Variants in LIG3 observed in about 807,000 individuals in gnomAD.
LIG3 encodes the protein ligase II, DNA, ATP-dependent.
In LIG3, 58 loss-of-function variants were observed where a neutral mutation model predicts 110.9. The observed-to-expected ratio is 0.52, with a 90% CI of 0.42 to 0.65. The LOEUF (loss-of-function observed/expected upper bound fraction) is 0.65. Among genes scored for constraint, LIG3 ranks in the 30% least tolerant of loss-of-function variants. The probability of loss-of-function intolerance (pLI) is 0.00; values close to 1 mark genes in which losing one functional copy is unlikely to be tolerated. For missense variants in LIG3, 1,094 were observed against 1,273.8 expected (o/e 0.86, Z 2.15); for synonymous variants, 422 against 472.8 (o/e 0.89, Z 1.39).
chr17:34,992,052 C>T lies in LIG3; in HGVS notation c.1286+17C>T. On this transcript the variant is annotated intron_variant, in intron 7 of 19. Transcript: ENST00000378526. ...AAAACATGTGTAAGTAGCAGCTCCG[C>T]TGACAGCCTGAGCTGTCATTTGTTA... 2 of 1,605,836 alleles carry T rather than the reference C, an allele frequency of 1.2e-6. No homozygotes were observed. The highest frequency in any genetic ancestry group is 1.7e-6 in the Non-Finnish European group (2 of 1,172,456).
intron 5 of LIG3, chr17:34,991,405 CTCT>C (rs1443614696): frequency 8.8e-6 from 5 of 568,106 alleles, no homozygotes; most frequent in Non-Finnish European, 1.5e-5. Flanking sequence ...TTATTCTGGA[CTCT>C]TTTTTTCTTG....
At position 35,001,375 on chromosome 17, in the gene LIG3, A is replaced by G. The variant is rs765759442; in HGVS notation, c.2450A>G (p.Lys817Arg). The G allele has an allele frequency of 4.6e-5, 75 of 1,614,074 alleles. No individual in the cohort carries two copies. Among genetic ancestry groups the G allele is most frequent in the Non-Finnish European group, 6.4e-5 (75 of 1,180,024 alleles). ...CGAATCCGAGATGATAAGGACTGGA[A>G]ATCTGCCACTAACCTTCCCCAACTC... ...CTRIRDDKDW[K>R]SATNLPQLKE... Residue 817 changes from lysine (K) to arginine (R), a missense_variant, in exon 17 of 20, where the codon AAA (lysine) becomes AGA (arginine). Transcript: ENST00000378526.
Position 34,998,213 on chromosome 17 carries a change from C to G in LIG3, c.1912-6C>G, listed in dbSNP as rs774884566. 1 of 1,609,946 alleles carries G rather than the reference C, an allele frequency of 6.2e-7. No homozygotes were observed. The highest frequency in any genetic ancestry group is 8.5e-7 in the Non-Finnish European group (1 of 1,177,856). On this transcript the variant is annotated splice_polypyrimidine_tract_variant and splice_region_variant and intron_variant, in intron 12 of 19. Transcript: ENST00000378526. ...CACCAACTTCAGCATCTCTCTTGTCCCTCAGAAAGCTTTGGACTTGGCTGA... is the reference window on the plus strand; with the variant it reads ...CACCAACTTCAGCATCTCTCTTGTCGCTCAGAAAGCTTTGGACTTGGCTGA...
At position 34,996,194 on chromosome 17, in the gene LIG3, A is replaced by G. The variant is rs2090775535; in HGVS notation, c.1742A>G (p.Lys581Arg). ...CCCTTTGGGACTCTGGGAGTACACA[A>G]GGTACTAGCTCAGGGCCATATGTGC... Reference protein sequence around the residue: ...PLPFGTLGVHKKAAFQDANVC... With the variant: ...PLPFGTLGVHRKAAFQDANVC... Residue 581 changes from lysine (K) to arginine (R), a missense_variant and splice_region_variant, in exon 10 of 20, where the codon AAG becomes AGG. Transcript: ENST00000378526. 6.2e-6 allele frequency: 10 copies of G among 1,614,080 alleles called. No homozygotes were observed. Among genetic ancestry groups the G allele is most frequent in the Non-Finnish European group, 8.5e-6 (10 of 1,179,990 alleles).
Position 34,989,547 on chromosome 17 carries a change from ATAAGGACTGTC to A in LIG3, c.775_785del (p.Lys259AlafsTer14). On this transcript the variant is annotated frameshift_variant, in exon 4 of 20. Transcript: ENST00000378526. LOFTEE classifies it high-confidence loss of function. ...TCTTCAAGCAAATGTGACCCCAGGC[ATAAGGACTGTC>A]TGCTACGGGAGTTTCGAAAGTTATG... 6.2e-7 allele frequency: 1 copy of A among 1,614,108 alleles called. No homozygotes were observed. Among genetic ancestry groups the A allele is most frequent in the Non-Finnish European group, 8.5e-7 (1 of 1,180,026 alleles).
intron 8 of LIG3, among the ~76,000 whole-genome samples, chr17:34,993,593 G>T (rs1193414537): frequency 6.6e-6 from 1 of 152,196 alleles, no homozygotes; most frequent in Non-Finnish European, 1.5e-5. Flanking sequence ...TTATAGGTGG[G>T]CCTAGATTCA....
intron 18 of LIG3, 57 bp from the exon 19 acceptor site, chr17:35,002,611 G>C: frequency 6.4e-7 from 1 of 1,566,680 alleles, no homozygotes; most frequent in South Asian, 1.2e-5. Context: ...TGATCCTCCC[G>C]AGTAGCTGGG....
intron 2 of LIG3, 55 bp from the exon 3 acceptor site, chr17:34,985,933 T>G: frequency 6.3e-7 from 1 of 1,579,928 alleles, no homozygotes. Context: ...CTTTGGATGT[T>G]TTTTTCAGAG....
At chr17:34,992,064 G>A (rs764498953) in intron 7 of LIG3, 29 bp downstream of exon 7, 1 of 1,597,076 alleles carries the variant, frequency 6.3e-7, no homozygotes, top group Non-Finnish European at 8.6e-7. Context: ...GACAGCCTGA[G>A]CTGTCATTTG....
rs148686749 is a variant in LIG3 at position 34,985,425 on chromosome 17, A to G, written c.548-563A>G. Among the ~76,000 whole-genome samples, 6 of 152,304 alleles carry G rather than the reference A, an allele frequency of 3.9e-5. No individual in the cohort carries two copies. In the East Asian group the frequency reaches 1.2e-3, roughly 29 times the overall value. Reference sequence around the variant, plus strand: ...CATATACTTTATTCTCAGGCTCCCCATCCCACCTTGCACTGCCTTAGCTAT... The same window carrying G: ...CATATACTTTATTCTCAGGCTCCCCGTCCCACCTTGCACTGCCTTAGCTAT... On this transcript the variant is annotated intron_variant, in intron 2 of 19. Coordinates refer to ENST00000378526, the MANE Select transcript of LIG3 (RefSeq NM_013975.4).
rs565980215 is a variant in LIG3 at position 35,001,457 on chromosome 17, A to T, written c.2478+54A>T. ...CTCCACCCCACTGTCCAGGCCTTGG[A>T]GCCTTGGGCATCTAGACCATTCACA... is the stretch of plus-strand genomic sequence containing the variant. On this transcript the variant is annotated intron_variant, in intron 17 of 19. Transcript: ENST00000378526. 18 of 1,559,376 alleles carry T rather than the reference A, an allele frequency of 1.2e-5. No individual in the cohort carries two copies. The South Asian group carries it at 2.0e-4, about 18-fold the overall frequency.
intron 1 of LIG3, 39 bp from the exon 2 acceptor site, chr17:34,982,963 C>T (rs192480635): frequency 8.0e-6 from 10 of 1,243,542 alleles, no homozygotes; most frequent in African/African-American, 3.1e-5. Context: ...TTGTTTATAT[C>T]TTTTTTTTTT....
rs942129180 is a variant in LIG3 at position 35,007,222 on chromosome 17, C to G, written c.*2716C>G. On this transcript the variant is annotated 3_prime_UTR_variant, in exon 20 of 20. Coordinates refer to ENST00000378526, the MANE Select transcript of LIG3 (RefSeq NM_013975.4). ...CAGAGTGCACACTCACAGGAAAGGG[C>G]CTCTGCTGGCTGCAGGTGATCATCT... 5 of 152,294 alleles carry G rather than the reference C, an allele frequency of 3.3e-5. No homozygotes were observed. In the East Asian group the frequency reaches 7.7e-4, roughly 23 times the overall value. 9.4% of individuals were successfully genotyped at this position (152,294 alleles called of 1,614,324 possible). A position where few individuals can be genotyped will look rare whatever the true frequency, so the allele number is the denominator to read the frequency against.
rs141095047 is a variant in LIG3, at chr17:34,983,351, G to T, written c.346G>T (p.Val116Leu). ...KKCKEKIVKGVCRIGKVVPNP... is the reference protein window; with the variant it reads ...KKCKEKIVKGLCRIGKVVPNP... ...ATGCAAGGAAAAGATTGTGAAGGGC[G>T]TATGCCGAATTGGCAAAGTGGTGCC... The change falls in exon 2 of 20, where the codon GTA becomes TTA. Residue 116 changes from valine (V) to leucine (L), a missense_variant. Coordinates refer to ENST00000378526, the MANE Select transcript of LIG3 (RefSeq NM_013975.4). 2 of 1,614,244 alleles carry T rather than the reference G, an allele frequency of 1.2e-6. No homozygotes were observed. The highest frequency in any genetic ancestry group is 1.3e-5 in the African/African-American group (1 of 75,052).
At chr17:35,001,619 G>C (rs2090842872) in intron 17 of LIG3, among the ~76,000 whole-genome samples, 1 of 152,182 alleles carries the variant, frequency 6.6e-6, no homozygotes, top group Admixed American at 6.5e-5. Context: ...AGAGAACCTT[G>C]CATTTGCAAG....
rs559318643 is a variant in LIG3, at chr17:34,999,412, G to T, written c.2219G>T (p.Arg740Leu). The change falls in exon 15 of 20, where the codon CGC (arginine) becomes CTC (leucine). Residue 740 changes from arginine (R) to leucine (L), a missense_variant. Arg to Leu is a moderately radical substitution (Grantham distance 102, BLOSUM62 -2). Coordinates refer to ENST00000378526, the MANE Select transcript of LIG3 (RefSeq NM_013975.4). ...GGCCATGATGATGCCACGCTTGCCCGCCTGCAGAATGAACTAGACATGGTG... is the reference window on the plus strand; with the variant it reads ...GGCCATGATGATGCCACGCTTGCCCTCCTGCAGAATGAACTAGACATGGTG... Reference protein sequence around the residue: ...AGGHDDATLARLQNELDMVKI... With the variant: ...AGGHDDATLALLQNELDMVKI... 1.2e-6 allele frequency: 2 copies of T among 1,614,050 alleles called. No individual in the cohort carries two copies. The highest frequency in any genetic ancestry group is 1.7e-5 in the Admixed American group (1 of 60,012).
At chr17:34,989,049 C>T (rs181030237) in intron 3 of LIG3, among the ~76,000 whole-genome samples, 24 of 152,144 alleles carry the variant, frequency 1.6e-4, no homozygotes, top group African/African-American at 5.1e-4. Context: ...ACTATGTTGC[C>T]CAGGCTGGTC....
intron 14 of LIG3, 59 bp downstream of exon 14, chr17:34,998,786 C>T (rs990971869): frequency 3.2e-6 from 5 of 1,565,076 alleles, no homozygotes; most frequent in Admixed American, 1.8e-5. Flanking sequence ...GCTTGAGGTA[C>T]AGGCTGGCCT....
chr17:34,988,929 C>A (rs1479678673), intron 3 of LIG3, among the ~76,000 whole-genome samples: 2 of 152,204 alleles, frequency 1.3e-5, no homozygotes, highest in African/African-American at 4.8e-5. Flanking sequence ...TTCACATTGT[C>A]TAACACGTAC....
Sources: gnomAD v4.1 joint callset for allele counts (sites outside exome capture counted in the v4.1 genomes callset) on GRCh38, gnomAD v4.1.1 for gene constraint, MANE v1.5 for transcripts, NCBI Gene and HGNC (gene_info 2026-07-23, HGNC 2026-07-21) for gene names.